ZC3H14: variants seen among roughly 807,000 people sequenced by gnomAD.
ZC3H14 encodes zinc finger CCCH domain-containing protein 14.
ZC3H14 carries 31 observed loss-of-function variants against 92.4 expected under a neutral mutation model. The ratio of observed to expected loss-of-function variants is 0.34; its 90% CI spans 0.25 to 0.45. The LOEUF (loss-of-function observed/expected upper bound fraction) is 0.45, where lower values mean the gene tolerates loss of function less well. Among genes scored for constraint, ZC3H14 ranks in the 20% least tolerant of loss-of-function variants. The pLI, the probability that ZC3H14 is intolerant of heterozygous loss-of-function variation, is 1.00. For synonymous variants in ZC3H14, 321 were observed against 300.9 expected (o/e 1.07, Z -0.69); for missense variants, 781 against 897.3 (o/e 0.87, Z 1.66).
intron 10 of ZC3H14, among the ~76,000 whole-genome samples, chr14:88,599,199 CT>C (rs2084262606): frequency 6.6e-6 from 1 of 152,186 alleles, no homozygotes; most frequent in Non-Finnish European, 1.5e-5. Flanking sequence ...TCCTAAGGTC[CT>C]TTTACTGCCA....
chr14:88,598,931 T>C (rs1000941746), intron 10 of ZC3H14, among the ~76,000 whole-genome samples: 1 of 152,126 alleles, frequency 6.6e-6, no homozygotes, highest in African/African-American at 2.4e-5. Flanking sequence ...TACTAAAAAA[T>C]ACAAAAATTA....
At chr14:88,603,308 G>A (rs894260701) in intron 12 of ZC3H14, among the ~76,000 whole-genome samples, 8 of 152,120 alleles carry the variant, frequency 5.3e-5, no homozygotes, top group South Asian at 2.1e-4. Flanking sequence ...GACCTCTTCC[G>A]CTTATGCTGG....
intron 12 of ZC3H14, among the ~76,000 whole-genome samples, chr14:88,606,191 A>G (rs2085373147): frequency 6.6e-6 from 1 of 152,234 alleles, no homozygotes; most frequent in African/African-American, 2.4e-5. Flanking sequence ...AATTGCCAGC[A>G]TTACAATTTC....
At position 88,622,992 on chromosome 14, in the gene ZC3H14, C is replaced by A; in HGVS notation, c.*11241C>A. The A allele has an allele frequency of 2.7e-5, 7 of 259,628 alleles. No homozygotes were observed. Among genetic ancestry groups the A allele is most frequent in the Middle Eastern group, 1.2e-3 (1 of 854 alleles). 16.1% of individuals were successfully genotyped at this position (259,628 alleles called of 1,614,324 possible). On this transcript the variant is annotated 3_prime_UTR_variant, in exon 17 of 17. Transcript: ENST00000251038. ...TTTATTTAGCCTCTACAATACATTA[C>A]AATACATTATCCTCTCTCATAATAC...
chr14:88,563,672 C>A lies in ZC3H14; in HGVS notation c.58C>A (p.Gln20Lys). The A allele has an allele frequency of 6.2e-7, 1 of 1,614,178 alleles. No individual in the cohort carries two copies. The highest frequency in any genetic ancestry group is 8.5e-7 in the Non-Finnish European group (1 of 1,179,984). The change falls in exon 2 of 17, where the codon CAA becomes AAA. Residue 20 changes from glutamine to lysine, a missense_variant. Physicochemically the swap from Gln to Lys is moderately conservative, Grantham distance 53. This residue lies in a region of ZC3H14 where 106 missense variants were observed against 154.2 expected (regional missense o/e 0.69). Coordinates refer to ENST00000251038, the MANE Select transcript of ZC3H14 (RefSeq NM_024824.5). ...TCAGAGTGCCATTAAGGGGAAATTACAAGAATTAGGAGCTTATGTTGGTAA... is the reference window on the plus strand; with the variant it reads ...TCAGAGTGCCATTAAGGGGAAATTAAAAGAATTAGGAGCTTATGTTGGTAA... Reference protein sequence around the residue: ...KIRSAIKGKLQELGAYVDEEL... With the variant: ...KIRSAIKGKLKELGAYVDEEL...
At chr14:88,563,585 G>A in intron 1 of ZC3H14, 66 bp from the exon 2 acceptor site, 1 of 1,599,254 alleles carries the variant, frequency 6.3e-7, no homozygotes, top group South Asian at 1.1e-5. Flanking sequence ...CTCAGCCGCT[G>A]CAGAGTCCGG....
At chr14:88,596,883 G>A (rs924845591) in intron 10 of ZC3H14, 75 bp downstream of exon 10, 56 of 1,232,856 alleles carry the variant, frequency 4.5e-5, no homozygotes, top group South Asian at 3.1e-4. Context: ...CCCATTTAAC[G>A]TATCTCGGAT....
intron 9 of ZC3H14, among the ~76,000 whole-genome samples, chr14:88,579,882 A>G (rs2081659979): frequency 6.6e-6 from 1 of 152,228 alleles, no homozygotes; most frequent in Non-Finnish European, 1.5e-5. Flanking sequence ...ACATTATTTA[A>G]ATAATACAAG....
At chr14:88,595,966 T>G (rs1022038694) in intron 9 of ZC3H14, among the ~76,000 whole-genome samples, 2 of 152,176 alleles carry the variant, frequency 1.3e-5, no homozygotes, top group African/African-American at 4.8e-5. Flanking sequence ...TACAGAAAAG[T>G]GTGACATTCT....
intron 2 of ZC3H14, among the ~76,000 whole-genome samples, chr14:88,563,961 T>TTC (rs201989258): frequency 6.6e-6 from 1 of 151,748 alleles, no homozygotes; most frequent in African/African-American, 2.4e-5. Flanking sequence ...GTTTTTCCTA[T>TTC]TCTCTCTCTC....
At chr14:88,603,724 C>G (rs1289724710) in intron 12 of ZC3H14, among the ~76,000 whole-genome samples, 1 of 152,160 alleles carries the variant, frequency 6.6e-6, no homozygotes, top group Non-Finnish European at 1.5e-5. Context: ...AGAAGCACCT[C>G]TTCATTGGCA....
At chr14:88,600,363 T>C (rs1203943663) in intron 10 of ZC3H14, among the ~76,000 whole-genome samples, 1 of 152,222 alleles carries the variant, frequency 6.6e-6, no homozygotes. Context: ...ACTCTGGTTC[T>C]TCCTTAACAC....
At chr14:88,595,257 T>C in intron 9 of ZC3H14, 1 of 1,428,294 alleles carries the variant, frequency 7.0e-7, no homozygotes, top group Non-Finnish European at 9.2e-7. Flanking sequence ...ATTTGGATTC[T>C]GCTTGATTTA....
At position 88,626,616 on chromosome 14, in the gene ZC3H14, CAAAA is replaced by C; in HGVS notation, c.*14877_*14880del. 18 of 474,582 alleles carry C rather than the reference CAAAA, an allele frequency of 3.8e-5. No individual in the cohort carries two copies. Among genetic ancestry groups the C allele is most frequent in the Middle Eastern group, 5.7e-4 (1 of 1,740 alleles). 29.4% of individuals were successfully genotyped at this position (474,582 alleles called of 1,614,324 possible). On this transcript the variant is annotated 3_prime_UTR_variant, in exon 17 of 17. Transcript: ENST00000251038. ...CAGGCGACAGAGTGAGATACTGTGT[CAAAA>C]AAAAAAAAAAATCCTTTTCCCCCTC...
rs376663835 is a variant in ZC3H14 at position 88,621,473 on chromosome 14, A to G, written c.*9722A>G. The G allele has an allele frequency of 2.6e-5, 17 of 651,150 alleles. No individual in the cohort carries two copies. The South Asian group carries it at 3.0e-4, about 12-fold the overall frequency. 40.3% of individuals were successfully genotyped at this position (651,150 alleles called of 1,614,324 possible). A position where few individuals can be genotyped will look rare whatever the true frequency, so the allele number is the denominator to read the frequency against. On this transcript the variant is annotated 3_prime_UTR_variant, in exon 17 of 17. Coordinates refer to ENST00000251038, the MANE Select transcript of ZC3H14 (RefSeq NM_024824.5). ...AATTTTTCTATGACTACAGGCACAC[A>G]TCTATCTGTAAGCACAATGGGCTAG...
Position 88,572,142 on chromosome 14 carries a change from A to G in ZC3H14, c.348A>G (p.Pro116=), listed in dbSNP as rs2139588315. ...DERRHEAAVP[P]LAIPSARPEK... is the part of the protein sequence containing the mutation. ...GGAGGCATGAAGCTGCAGTGCCACC[A>G]CTTGCCATTCCTAGCGCGAGACCTG... Residue 116 remains proline (P), a synonymous_variant, in exon 5 of 17, where the codon CCA becomes CCG. Transcript: ENST00000251038. 1.9e-6 allele frequency: 3 copies of G among 1,614,174 alleles called. No homozygotes were observed. The highest frequency in any genetic ancestry group is 1.1e-5 in the South Asian group (1 of 91,080).
At position 88,615,143 on chromosome 14, in the gene ZC3H14, A is replaced by T. The variant is rs1449520801; in HGVS notation, c.*3392A>T. ...AGAGATGGCATCTGAACATAAACTG[A>T]TGGCTCGAAAATGAAAATGGAAATG... On this transcript the variant is annotated 3_prime_UTR_variant, in exon 17 of 17. Transcript: ENST00000251038. 1 of 152,194 alleles carries T rather than the reference A, an allele frequency of 6.6e-6. No individual in the cohort carries two copies. Among genetic ancestry groups the T allele is most frequent in the Non-Finnish European group, 1.5e-5 (1 of 68,038 alleles). 9.4% of individuals were successfully genotyped at this position (152,194 alleles called of 1,614,324 possible).
chr14:88,593,209 A>C (rs4904459), intron 9 of ZC3H14, among the ~76,000 whole-genome samples: 1 of 151,832 alleles, frequency 6.6e-6, no homozygotes, highest in African/African-American at 2.4e-5. Flanking sequence ...CTCATAATCC[A>C]CCCACCTTGG....
At position 88,609,388 on chromosome 14, in the gene ZC3H14, C is replaced by T. The variant is rs375794726; in HGVS notation, c.1990C>T (p.Leu664=). 55 of 1,613,924 alleles carry T rather than the reference C, an allele frequency of 3.4e-5. No homozygotes were observed. Among genetic ancestry groups the T allele is most frequent in the Non-Finnish European group, 4.4e-5 (52 of 1,179,986 alleles). The part of the protein sequence containing the change: ...FTHVSRRIPV[L]SPKPAVAPPA... Reference sequence around the variant, plus strand: ...TCATGTGAGTAGAAGAATTCCAGTACTGTCTCCAAAACCAGGTGAGTGAGT... The same window carrying T: ...TCATGTGAGTAGAAGAATTCCAGTATTGTCTCCAAAACCAGGTGAGTGAGT... The change falls in exon 14 of 17, where the codon CTG becomes TTG. Residue 664 remains leucine, a synonymous_variant. Coordinates refer to ENST00000251038, the MANE Select transcript of ZC3H14 (RefSeq NM_024824.5).
Sources: allele counts gnomAD v4.1 joint callset (sites outside exome capture counted in the v4.1 genomes callset), GRCh38; gene constraint gnomAD v4.1.1; regional missense constraint gnomAD v4.1.1; transcripts MANE v1.5; gene names NCBI Gene and HGNC (gene_info 2026-07-23, HGNC 2026-07-21).